Variants in GADL1 observed in about 807,000 individuals in gnomAD.
The protein encoded by GADL1 is GAD like acidic amino acid decarboxylase 1.
A neutral mutation model predicts 69.5 loss-of-function variants in GADL1; 71 were observed. The observed-to-expected ratio is 1.02, with a 90% CI of 0.84 to 1.25. The LOEUF (loss-of-function observed/expected upper bound fraction) is 1.25. Among genes scored for constraint, GADL1 ranks in the 50% most tolerant of loss-of-function variants. The probability of loss-of-function intolerance (pLI) is 0.00; values close to 1 mark genes in which losing one functional copy is unlikely to be tolerated. For missense variants in GADL1, 737 were observed against 631.8 expected (o/e 1.17, Z -1.79); for synonymous variants, 254 against 214.4 (o/e 1.18, Z -1.62).
chr3:30,879,209 G>C (rs376938311), intron 1 of GADL1, among the ~76,000 whole-genome samples: 1 of 151,888 alleles, frequency 6.6e-6, no homozygotes, highest in African/African-American at 2.4e-5. Flanking sequence ...AGAGACTGGG[G>C]TTCTCTCTGA....
At chr3:30,730,797 C>T (rs1261186326) in intron 14 of GADL1, among the ~76,000 whole-genome samples, 2 of 152,078 alleles carry the variant, frequency 1.3e-5, no homozygotes, top group Non-Finnish European at 2.9e-5. Flanking sequence ...TCCTCCTCAC[C>T]TTAGGTAGGA....
At chr3:30,884,975 G>T (rs1375398411) in intron 1 of GADL1, among the ~76,000 whole-genome samples, 1 of 152,010 alleles carries the variant, frequency 6.6e-6, no homozygotes, top group Non-Finnish European at 1.5e-5. Context: ...CCAAGCCTCA[G>T]TCTATATCAG....
At chr3:30,875,696 G>A (rs780617124) in intron 1 of GADL1, among the ~76,000 whole-genome samples, 2 of 151,830 alleles carry the variant, frequency 1.3e-5, no homozygotes, top group Admixed American at 6.6e-5. Flanking sequence ...CCTCTCGGGT[G>A]GTTTCCTAAT....
chr3:30,762,299 C>CT (rs961647950), intron 14 of GADL1, among the ~76,000 whole-genome samples: 1 of 152,120 alleles, frequency 6.6e-6, no homozygotes, highest in Non-Finnish European at 1.5e-5. Context: ...AGGACATATG[C>CT]TTTAAAAGGC....
At chr3:30,880,615 C>A (rs1369897396) in intron 1 of GADL1, among the ~76,000 whole-genome samples, 1 of 151,830 alleles carries the variant, frequency 6.6e-6, no homozygotes, top group Non-Finnish European at 1.5e-5. Flanking sequence ...TATAAGTAAC[C>A]CAGTCTCAGG....
chr3:30,872,948 C>A (rs552762028), intron 1 of GADL1, among the ~76,000 whole-genome samples: 1 of 152,012 alleles, frequency 6.6e-6, no homozygotes, highest in African/African-American at 2.4e-5. Context: ...CACTGTTTTC[C>A]AAAACTTGGA....
chr3:30,731,563 A>G (rs1258925269), intron 14 of GADL1, among the ~76,000 whole-genome samples: 1 of 152,202 alleles, frequency 6.6e-6, no homozygotes, highest in East Asian at 1.9e-4. Context: ...TAATATAAAG[A>G]TACTTTGGAT....
chr3:30,850,797 G>T, intron 5 of GADL1, 38 bp downstream of exon 5: 2 of 1,189,452 alleles, frequency 1.7e-6, no homozygotes, highest in Non-Finnish European at 2.4e-6. Context: ...TTACGTGGTT[G>T]TATTGGAAGG....
chr3:30,875,358 CTCA>C (rs1698563473), intron 1 of GADL1, among the ~76,000 whole-genome samples: 2 of 151,886 alleles, frequency 1.3e-5, no homozygotes, highest in South Asian at 4.1e-4. Context: ...TCATATTCCT[CTCA>C]TCCACAAAAT....
chr3:30,755,007 T>C (rs1695934415), intron 14 of GADL1, among the ~76,000 whole-genome samples: 1 of 152,130 alleles, frequency 6.6e-6, no homozygotes. Flanking sequence ...TTTCAGCATC[T>C]CTGAAAAGAT....
intron 11 of GADL1, among the ~76,000 whole-genome samples, chr3:30,818,288 A>T (rs1011335815): frequency 2.0e-5 from 3 of 152,202 alleles, no homozygotes; most frequent in Non-Finnish European, 2.9e-5. Context: ...CTGTCGTGAG[A>T]ACTTAAAAGC....
chr3:30,825,368 C>T (rs1485487593), intron 11 of GADL1, among the ~76,000 whole-genome samples: 1 of 151,926 alleles, frequency 6.6e-6, no homozygotes, highest in African/African-American at 2.4e-5. Flanking sequence ...TTTTCAACTT[C>T]TGAGCTACTT....
At chr3:30,756,735 C>T (rs748606359) in intron 14 of GADL1, among the ~76,000 whole-genome samples, 4 of 152,158 alleles carry the variant, frequency 2.6e-5, no homozygotes, top group Non-Finnish European at 5.9e-5. Context: ...TGAGGCCATC[C>T]TTGTCCACCC....
At chr3:30,798,396 G>C (rs1697092052) in intron 12 of GADL1, 1 of 152,854 alleles carries the variant, frequency 6.5e-6, no homozygotes, top group Non-Finnish European at 1.5e-5. Context: ...AGTGGCAAGA[G>C]AAAAAGAAAC....
At chr3:30,759,665 A>AT (rs764383399) in intron 14 of GADL1, among the ~76,000 whole-genome samples, 36 of 152,010 alleles carry the variant, frequency 2.4e-4, no homozygotes, top group Admixed American at 2.0e-4. Flanking sequence ...GACCATCTTT[A>AT]TTTGTGGTAG....
chr3:30,738,006 A>C (rs1002366446), intron 14 of GADL1, among the ~76,000 whole-genome samples: 2 of 152,210 alleles, frequency 1.3e-5, no homozygotes, highest in Non-Finnish European at 2.9e-5. Context: ...TGAAATGAAC[A>C]GTCATAAAAA....
chr3:30,760,446 A>G (rs2125484726), intron 14 of GADL1, among the ~76,000 whole-genome samples: 1 of 152,260 alleles, frequency 6.6e-6, no homozygotes, highest in Admixed American at 6.5e-5. Context: ...CATAGCCACC[A>G]ACTTCTAGCT....
At chr3:30,837,901 G>A (rs1697900002) in intron 9 of GADL1, among the ~76,000 whole-genome samples, 1 of 151,996 alleles carries the variant, frequency 6.6e-6, no homozygotes, top group Non-Finnish European at 1.5e-5. Context: ...TATTGCCATT[G>A]GCATACTAAT....
Position 30,808,971 on chromosome 3 carries a change from C to T in GADL1, c.1051-7883G>A, listed in dbSNP as rs552176983. On this transcript the variant is annotated intron_variant, in intron 11 of 14. Transcript: ENST00000282538. ...TAACCTCTGTTTTCCCAGTCTCATG[C>T]ACAGTGACTAAACGGTGGTGGAGAG... Among the ~76,000 whole-genome samples, 22 of 152,294 alleles carry T rather than the reference C, an allele frequency of 1.4e-4. No homozygotes were observed. In the South Asian group the frequency reaches 4.6e-3, roughly 32 times the overall value.
Sources: gnomAD v4.1 joint callset for allele counts (sites outside exome capture counted in the v4.1 genomes callset) on GRCh38, gnomAD v4.1.1 for gene constraint, MANE v1.5 for transcripts, NCBI Gene and HGNC (gene_info 2026-07-23, HGNC 2026-07-21) for gene names.